Variants in DNA2 observed in about 807,000 individuals in gnomAD.
DNA2 encodes the protein DNA replication ATP-dependent helicase/nuclease DNA2.
DNA2 carries 101 observed loss-of-function variants against 119.1 expected under a neutral mutation model. The ratio of observed to expected loss-of-function variants is 0.85; its 90% confidence interval spans 0.72 to 1.00. DNA2 has a LOEUF of 1.00. DNA2 is among the 50% of genes least tolerant of loss of function. The probability of loss-of-function intolerance (pLI) is 0.00; values close to 1 mark genes in which losing one functional copy is unlikely to be tolerated. For missense variants in DNA2, 1,121 were observed against 1,255.5 expected, an observed-to-expected ratio of 0.89 and a Z score of 1.62; for synonymous variants, 366 against 424.4, an observed-to-expected ratio of 0.86 and a Z score of 1.69.
chr10:68,459,967 C>T (rs2052233415), intron 4 of DNA2, among the ~76,000 whole-genome samples: 2 of 151,138 alleles, frequency 1.3e-5, no homozygotes, highest in Admixed American at 6.6e-5. Flanking sequence ...GCAGAGGTTG[C>T]AGTGAGCTGA....
intron 20 of DNA2, chr10:68,416,502 G>A (rs756668185): frequency 1.6e-5 from 8 of 489,428 alleles, no homozygotes; most frequent in Admixed American, 9.6e-5. Flanking sequence ...CTAATCATTT[G>A]TTCTGGATTA....
At chr10:68,445,131 T>C in intron 7 of DNA2, 48 bp from the exon 8 acceptor site, 1 of 1,512,340 alleles carries the variant, frequency 6.6e-7, no homozygotes. Context: ...ATAAAGTTTA[T>C]CATGTCTTTT....
intron 20 of DNA2, 48 bp downstream of exon 20, chr10:68,416,661 T>G: frequency 1.9e-6 from 3 of 1,553,516 alleles, no homozygotes; most frequent in Non-Finnish European, 2.7e-6. Context: ...AAATAAATAC[T>G]CACAACAGTG....
rs745331230 is a variant in DNA2, at chr10:68,468,255, G to A, written c.309C>T (p.Cys103=). 1.2e-6 allele frequency: 2 copies of A among 1,610,424 alleles called. No individual in the cohort carries two copies. Among genetic ancestry groups the A allele is most frequent in the South Asian group, 1.1e-5 (1 of 89,850 alleles). The part of the protein sequence containing the change: ...PGDIIHLEGD[C]TSDTWIIDKD... ...TATCTATTATCCAAGTGTCAGATGT[G>A]CAGTCTCCCTCCAAATGAATGATAT... The change falls in exon 3 of 21, where the codon TGC becomes TGT. Residue 103 remains cysteine (C), a synonymous_variant. Coordinates refer to ENST00000358410, the MANE Select transcript of DNA2 (RefSeq NM_001080449.3).
At chr10:68,453,809 A>C (rs2052150182) in intron 5 of DNA2, among the ~76,000 whole-genome samples, 1 of 152,208 alleles carries the variant, frequency 6.6e-6, no homozygotes, top group Admixed American at 6.6e-5. Flanking sequence ...CTAGGTTTGC[A>C]CAAGTACACT....
At chr10:68,472,024 C>T (rs181429046), upstream of DNA2, 2 of 1,607,992 alleles carry the variant, frequency 1.2e-6, no homozygotes, top group East Asian at 4.5e-5. Flanking sequence ...GCCCCTCCCG[C>T]GCCGGCGCGT....
At chr10:68,432,174 TAATC>T (rs776145149) in intron 12 of DNA2, 28 bp downstream of exon 12, 2 of 1,426,876 alleles carry the variant, frequency 1.4e-6, no homozygotes, top group South Asian at 2.5e-5. Context: ...CAAGAAAAAT[TAATC>T]AAAGCAGACA....
upstream of DNA2, chr10:68,471,992 C>G: frequency 6.2e-7 from 1 of 1,611,340 alleles, no homozygotes; most frequent in Non-Finnish European, 8.5e-7. Flanking sequence ...CCGCAGATGT[C>G]CCAAATGACC....
chr10:68,417,652 CAAA>C (rs575627007), intron 19 of DNA2, among the ~76,000 whole-genome samples: 2 of 113,564 alleles, frequency 1.8e-5, no homozygotes, highest in South Asian at 2.7e-4. Flanking sequence ...GATCTCATCT[CAAA>C]AAAAAAAAAA....
At chr10:68,434,039 C>A (rs574018207) in intron 10 of DNA2, among the ~76,000 whole-genome samples, 52 of 152,192 alleles carry the variant, frequency 3.4e-4, no homozygotes, top group Non-Finnish European at 6.6e-4. Flanking sequence ...CTTTGGGAAG[C>A]TGAGGCAGGA....
rs1252110248 is a variant in DNA2, at chr10:68,422,724, G to A, written c.2375C>T (p.Pro792Leu). 1.9e-6 allele frequency: 3 copies of A among 1,611,950 alleles called. No homozygotes were observed. Among genetic ancestry groups the A allele is most frequent in the Non-Finnish European group, 2.5e-6 (3 of 1,179,348 alleles). ...FVLVGDHQQL[P>L]PLVLNREARA... ...TGCTTCACGGTTTAGCACCAGGGGA[G>A]GAAGCTGCTGATGGTCCCCCACTAA... The change falls in exon 15 of 21, where the codon CCT becomes CTT. Residue 792 changes from proline (P) to leucine (L), a missense_variant. Transcript: ENST00000358410.
rs142069599 is a variant in DNA2 at position 68,452,880 on chromosome 10, G to A, written c.720-2633C>T. Reference sequence around the variant, plus strand: ...ATTACAGTTATGAGCCACCATGCGCGGCCACTATATGTTTATTACCACAAT... The same window carrying A: ...ATTACAGTTATGAGCCACCATGCGCAGCCACTATATGTTTATTACCACAAT... On this transcript the variant is annotated intron_variant, in intron 5 of 20. Transcript: ENST00000358410. 3.6e-3 allele frequency among the ~76,000 whole-genome samples: 529 copies of A among 146,998 alleles called. 4 individuals carry two copies. Among genetic ancestry groups the A allele is most frequent in the African/African-American group, 0.013 (503 of 39,826 alleles).
intron 6 of DNA2, among the ~76,000 whole-genome samples, chr10:68,447,645 T>G (rs551603063): frequency 6.7e-6 from 1 of 149,586 alleles, no homozygotes; most frequent in South Asian, 2.1e-4. Flanking sequence ...GCCAAGACCG[T>G]GCCACTACAT....
Position 68,471,901 on chromosome 10 carries a change from A to G in DNA2, c.-37T>C, listed in dbSNP as rs754954233. The G allele has an allele frequency of 6.2e-7, 1 of 1,613,922 alleles. No homozygotes were observed. Among genetic ancestry groups the G allele is most frequent in the Non-Finnish European group, 8.5e-7 (1 of 1,179,802 alleles). On this transcript the variant is annotated 5_prime_UTR_variant, in exon 1 of 21. Transcript: ENST00000358410. Reference sequence around the variant, plus strand: ...GGATCGCAAACTGTAGACAGAAAAGACAGCGGAACCGGGGGTAACACAGAA... The same window carrying G: ...GGATCGCAAACTGTAGACAGAAAAGGCAGCGGAACCGGGGGTAACACAGAA...
Position 68,468,250 on chromosome 10 carries a change from G to T in DNA2, c.314C>A (p.Ser105Tyr). ...DIIHLEGDCT[S>Y]DTWIIDKDFG... ...ATCTTTATCTATTATCCAAGTGTCA[G>T]ATGTGCAGTCTCCCTCCAAATGAAT... The change falls in exon 3 of 21, where the codon TCT becomes TAT. Residue 105 changes from serine to tyrosine, a missense_variant. Coordinates refer to ENST00000358410, the MANE Select transcript of DNA2 (RefSeq NM_001080449.3). 3 of 1,611,168 alleles carry T rather than the reference G, an allele frequency of 1.9e-6. No individual in the cohort carries two copies. The highest frequency in any genetic ancestry group is 2.5e-6 in the Non-Finnish European group (3 of 1,178,954).
intron 14 of DNA2, chr10:68,424,984 A>C: frequency 1.7e-6 from 1 of 595,730 alleles, no homozygotes; most frequent in Non-Finnish European, 3.1e-6. Flanking sequence ...CTTATTGAGA[A>C]AATGCAGGAA....
chr10:68,454,571 T>A (rs900996057), intron 5 of DNA2, among the ~76,000 whole-genome samples: 5 of 151,842 alleles, frequency 3.3e-5, no homozygotes. Flanking sequence ...TTTGGGAGGG[T>A]GAGGTGGGTG....
intron 9 of DNA2, 36 bp downstream of exon 9, chr10:68,442,881 C>T (rs1384426936): frequency 6.5e-7 from 1 of 1,530,948 alleles, no homozygotes; most frequent in Admixed American, 2.1e-5. Context: ...CTAATCCAAA[C>T]TACTGAAATC....
chr10:68,446,455 C>T, intron 6 of DNA2, 42 bp from the exon 7 acceptor site: 1 of 1,170,406 alleles, frequency 8.5e-7, no homozygotes. Context: ...ACTATAACTT[C>T]TTGTATTTCC....
Sources: gnomAD v4.1 joint callset for allele counts (sites outside exome capture counted in the v4.1 genomes callset) on GRCh38, gnomAD v4.1.1 for gene constraint, MANE v1.5 for transcripts, NCBI Gene and HGNC (gene_info 2026-07-23, HGNC 2026-07-21) for gene names.